CCAR1: variants seen among roughly 807,000 people sequenced by gnomAD.
CCAR1 encodes cell division cycle and apoptosis regulator 1.
In CCAR1, 78 loss-of-function variants were observed where a neutral mutation model predicts 163.8. The observed-to-expected ratio is 0.48, with a 90% CI of 0.40 to 0.57. The LOEUF (loss-of-function observed/expected upper bound fraction) is 0.57, where lower values mean the gene tolerates loss of function less well. CCAR1 is among the 20% of genes least tolerant of loss of function. CCAR1 has a pLI of 0.00. For missense variants in CCAR1, 1,019 were observed against 1,365.2 expected, an observed-to-expected ratio of 0.75 and a Z score of 4.00; for synonymous variants, 443 against 460.7, an observed-to-expected ratio of 0.96 and a Z score of 0.49.
intron 17 of CCAR1, among the ~76,000 whole-genome samples, chr10:68,767,364 C>A (rs1589180408): frequency 6.6e-6 from 1 of 151,648 alleles, no homozygotes; most frequent in Non-Finnish European, 1.5e-5. Context: ...GCCTCCCAGG[C>A]TCAAGCGATT....
intron 6 of CCAR1, among the ~76,000 whole-genome samples, chr10:68,743,728 GTTTGTTTA>G (rs60210056): frequency 0.18 from 26,534 of 147,868 alleles, 2,752 homozygotes; most frequent in African/African-American, 0.28. Context: ...TTATTTATTT[GTTTGTTTA>G]TTTATTTATT....
At chr10:68,786,030 A>G in intron 19 of CCAR1, 106 bp from the exon 20 acceptor site, 4 of 712,794 alleles carry the variant, frequency 5.6e-6, no homozygotes, top group Non-Finnish European at 7.5e-6. Context: ...ACACCCTCGA[A>G]CGCCTGGCCC....
At chr10:68,783,907 A>G (rs2056765612) in intron 19 of CCAR1, among the ~76,000 whole-genome samples, 1 of 151,838 alleles carries the variant, frequency 6.6e-6, no homozygotes. Flanking sequence ...GGCGGCCGCC[A>G]CCACGCCTGG....
intron 17 of CCAR1, among the ~76,000 whole-genome samples, chr10:68,767,039 GT>G (rs1487120280): frequency 6.6e-6 from 1 of 152,124 alleles, no homozygotes; most frequent in East Asian, 1.9e-4. Context: ...GTCCAGTTCT[GT>G]TTTTTCCCTA....
At chr10:68,729,126 A>G (rs1019428667) in intron 2 of CCAR1, among the ~76,000 whole-genome samples, 1 of 152,224 alleles carries the variant, frequency 6.6e-6, no homozygotes, top group South Asian at 2.1e-4. Flanking sequence ...TTATTAATTT[A>G]AATGAAATAA....
At chr10:68,760,049 T>A (rs1379269129) in intron 15 of CCAR1, among the ~76,000 whole-genome samples, 1 of 152,084 alleles carries the variant, frequency 6.6e-6, no homozygotes, top group Non-Finnish European at 1.5e-5. Context: ...CCATGCTGAT[T>A]TTAAACTCCT....
chr10:68,772,490 AC>A (rs1259546507), intron 18 of CCAR1, among the ~76,000 whole-genome samples: 1 of 151,968 alleles, frequency 6.6e-6, no homozygotes. Context: ...CTCAAAAAAA[AC>A]AAAAAAAAAA....
chr10:68,756,473 A>T lies in CCAR1; in HGVS notation c.1826A>T (p.Asp609Val). The change falls in exon 14 of 25, where the codon GAT becomes GTT. Residue 609 changes from aspartate (D) to valine (V), a missense_variant. Physicochemically the swap from Asp to Val is radical, Grantham distance 152. Around this residue, in one of 4 missense-constraint regions of CCAR1, gnomAD observed 644 missense variants for 904.4 expected, o/e 0.71. Transcript: ENST00000265872. The surrounding 1 kb of genome is among the most constrained non-coding windows in gnomAD (Gnocchi z 5.1). The part of the protein sequence containing the change: ...EKLQGERKEA[D>V]GEQDEEEKDD... ...CTTCAGGGTGAACGCAAGGAGGCTG[A>T]TGGAGAACAGGCACTGAACGCTAAT... 6.2e-7 allele frequency: 1 copy of T among 1,609,514 alleles called. No individual in the cohort carries two copies. Among genetic ancestry groups the T allele is most frequent in the Non-Finnish European group, 8.5e-7 (1 of 1,177,648 alleles).
intron 2 of CCAR1, among the ~76,000 whole-genome samples, chr10:68,726,325 A>G (rs750218443): frequency 4.0e-5 from 6 of 151,688 alleles, no homozygotes; most frequent in Non-Finnish European, 8.8e-5. Context: ...CTGATTTTTT[A>G]TATTATTAGT....
At position 68,732,756 on chromosome 10, in the gene CCAR1, C is replaced by T. The variant is rs182085572; in HGVS notation, c.74-4120C>T. Among the ~76,000 whole-genome samples, 34 of 152,138 alleles carry T rather than the reference C, an allele frequency of 2.2e-4. 1 individual carries two copies. Among genetic ancestry groups the T allele is most frequent in the African/African-American group, 7.7e-4 (32 of 41,500 alleles). ...TTGCATACGGTTTCAGGAAATTATCCCACCTTTTAGAACCTATGCCCTATC... is the reference window on the plus strand; with the variant it reads ...TTGCATACGGTTTCAGGAAATTATCTCACCTTTTAGAACCTATGCCCTATC... On this transcript the variant is annotated intron_variant, in intron 2 of 24. Coordinates refer to ENST00000265872, the MANE Select transcript of CCAR1 (RefSeq NM_018237.4).
At position 68,754,711 on chromosome 10, in the gene CCAR1, T is replaced by C; in HGVS notation, c.1345-3T>C. ...ACAGGATTGAATTATTTGACTATAA[T>C]AGGTAATGCTGATGGCTAGCCCTAG... On this transcript the variant is annotated splice_region_variant and splice_polypyrimidine_tract_variant and intron_variant, in intron 11 of 24. Transcript: ENST00000265872. 1 of 1,499,312 alleles carries C rather than the reference T, an allele frequency of 6.7e-7. No individual in the cohort carries two copies. Among genetic ancestry groups the C allele is most frequent in the Non-Finnish European group, 9.3e-7 (1 of 1,078,258 alleles). 92.9% of individuals were successfully genotyped at this position (1,499,312 alleles called of 1,614,324 possible).
At chr10:68,780,177 AC>A in intron 19 of CCAR1, among the ~76,000 whole-genome samples, 1 of 152,310 alleles carries the variant, frequency 6.6e-6, no homozygotes, top group East Asian at 1.9e-4. Flanking sequence ...TAAGTAAATG[AC>A]TAGGTTCCAA....
chr10:68,776,259 T>G (rs2056666193), intron 19 of CCAR1, among the ~76,000 whole-genome samples: 1 of 151,816 alleles, frequency 6.6e-6, no homozygotes, highest in Non-Finnish European at 1.5e-5. Context: ...TCTTTTCTTT[T>G]TTTTTTTTAA....
intron 16 of CCAR1, among the ~76,000 whole-genome samples, chr10:68,762,253 C>T (rs1450858958): frequency 4.0e-5 from 6 of 151,884 alleles, no homozygotes; most frequent in Non-Finnish European, 5.9e-5. Flanking sequence ...GGCCTGAACC[C>T]GGGAGGCGGA....
intron 1 of CCAR1, among the ~76,000 whole-genome samples, chr10:68,721,877 C>T (rs2055863234): frequency 6.6e-6 from 1 of 152,132 alleles, no homozygotes; most frequent in African/African-American, 2.4e-5. Flanking sequence ...GGGGTTTTCC[C>T]AGTGGTTCTT....
chr10:68,763,348 G>T (rs2056498112), intron 16 of CCAR1, among the ~76,000 whole-genome samples: 1 of 151,748 alleles, frequency 6.6e-6, no homozygotes, highest in Non-Finnish European at 1.5e-5. Context: ...ACGGGGTTTT[G>T]TCATGTTGGC....
In CCAR1 at chr10:68,786,707, G is replaced by T; in HGVS notation, c.2880+15G>T. 1 of 1,573,284 alleles carries T rather than the reference G, an allele frequency of 6.4e-7. No homozygotes were observed. Among genetic ancestry groups the T allele is most frequent in the South Asian group, 1.2e-5 (1 of 84,280 alleles). ...CTCGGGCTCAGGTAATCTATCTTGTGAATATTTAAAAGGAAAACATTTTTT... is the reference window on the plus strand; with the variant it reads ...CTCGGGCTCAGGTAATCTATCTTGTTAATATTTAAAAGGAAAACATTTTTT... On this transcript the variant is annotated intron_variant, in intron 21 of 24. Coordinates refer to ENST00000265872, the MANE Select transcript of CCAR1 (RefSeq NM_018237.4).
At chr10:68,724,759 T>G (rs181956459) in intron 2 of CCAR1, among the ~76,000 whole-genome samples, 2 of 152,216 alleles carry the variant, frequency 1.3e-5, no homozygotes, top group East Asian at 3.9e-4. Context: ...CACTACAGTC[T>G]GAGTGAGACC....
At chr10:68,736,330 C>T (rs1204136634) in intron 2 of CCAR1, among the ~76,000 whole-genome samples, 2 of 18,620 alleles carry the variant, frequency 1.1e-4, no homozygotes, top group Non-Finnish European at 1.6e-4. Flanking sequence ...ATTACTTCAC[C>T]TACTTATCTT....
Sources: allele counts gnomAD v4.1 joint callset (sites outside exome capture counted in the v4.1 genomes callset), GRCh38; gene constraint gnomAD v4.1.1; regional missense constraint gnomAD v4.1.1; non-coding constraint Gnocchi (gnomAD v3.1); transcripts MANE v1.5; gene names NCBI Gene and HGNC (gene_info 2026-07-23, HGNC 2026-07-21).